Variants in DPYSL4 observed in about 807,000 individuals in gnomAD.
The protein encoded by DPYSL4 is dihydropyrimidinase-related protein 4.
A neutral mutation model predicts 63.4 loss-of-function variants in DPYSL4; 43 were observed. The observed-to-expected ratio is 0.68, with a 90% CI of 0.53 to 0.88. The LOEUF (loss-of-function observed/expected upper bound fraction) is 0.88, where lower values mean the gene tolerates loss of function less well. DPYSL4 is among the 40% of genes least tolerant of loss of function. DPYSL4 has a pLI of 0.00. For synonymous variants in DPYSL4, 353 were observed against 331.7 expected (o/e 1.06, Z -0.70); for missense variants, 733 against 819.5 (o/e 0.89, Z 1.29).
chr10:132,188,855 T>C (rs1215020361), intron 1 of DPYSL4, among the ~76,000 whole-genome samples: 2 of 152,240 alleles, frequency 1.3e-5, no homozygotes, highest in Non-Finnish European at 2.9e-5. Flanking sequence ...ACAAGAACGA[T>C]TCTTAGCCTA....
chr10:132,204,775 C>T, intron 13 of DPYSL4, 64 bp from the exon 14 acceptor site: 1 of 1,436,796 alleles, frequency 7.0e-7, no homozygotes, highest in Non-Finnish European at 9.5e-7. Flanking sequence ...CTGCCTCACG[C>T]CTTGAATAGA....
chr10:132,187,330 G>A (rs1227072571), intron 1 of DPYSL4, among the ~76,000 whole-genome samples: 5 of 25,122 alleles, frequency 2.0e-4, no homozygotes, highest in African/African-American at 5.7e-4. Flanking sequence ...GCCCAGGCCC[G>A]GCCCGGCCCG....
chr10:132,203,610 A>T, intron 12 of DPYSL4, 152 bp from the exon 13 acceptor site: 2 of 671,896 alleles, frequency 3.0e-6, no homozygotes, highest in South Asian at 1.9e-5. Context: ...CCCCCAGGGC[A>T]GCCCCAAATT....
intron 1 of DPYSL4, among the ~76,000 whole-genome samples, chr10:132,187,330 G>GGCCCGGCCCGGCCCT (rs1233009359): frequency 4.0e-5 from 1 of 25,122 alleles, no homozygotes; most frequent in South Asian, 1.1e-3. Flanking sequence ...GCCCAGGCCC[G>GGCCCGGCCCGGCCCT]GCCCGGCCCG....
At chr10:132,192,195 GC>G in intron 2 of DPYSL4, 1 of 484,954 alleles carries the variant, frequency 2.1e-6, no homozygotes, top group Non-Finnish European at 2.7e-6. Context: ...CACTGTCAGA[GC>G]CCCGGCCTTT....
At chr10:132,200,720 C>A in intron 9 of DPYSL4, 122 bp from the exon 10 acceptor site, 1 of 1,410,416 alleles carries the variant, frequency 7.1e-7, no homozygotes, top group Non-Finnish European at 9.4e-7. Flanking sequence ...CCAGCTCTGC[C>A]CAGCGAGAGC....
chr10:132,193,131 G>C lies in DPYSL4; in HGVS notation c.313+289G>C, dbSNP rs187327321. ...GGGCACTAGTAGCCAGCTCGGAGTT[G>C]GGGGTTGGAAAACTCAAATGCCTTG... On this transcript the variant is annotated intron_variant, in intron 3 of 13. Coordinates refer to ENST00000338492, the MANE Select transcript of DPYSL4 (RefSeq NM_006426.3). 3.3e-5 allele frequency among the ~76,000 whole-genome samples: 5 copies of C among 152,234 alleles called. No individual in the cohort carries two copies. In the East Asian group the frequency reaches 9.6e-4, roughly 29 times the overall value.
At chr10:132,202,219 CA>C (rs2137523212) in intron 11 of DPYSL4, 103 bp downstream of exon 11, 1 of 1,441,078 alleles carries the variant, frequency 6.9e-7, no homozygotes, top group Non-Finnish European at 9.3e-7. Context: ...GTGGCAGCAG[CA>C]GTGGCCTCAG....
Position 132,187,000 on chromosome 10 carries a change from C to CCCGGGG in DPYSL4, c.-64_-63insCCGGGG. The CCCGGGG allele has an allele frequency of 1.8e-4, 2 of 11,128 alleles. No homozygotes were observed. The highest frequency in any genetic ancestry group is 3.5e-4 in the Non-Finnish European group (2 of 5,648). 0.7% of individuals were successfully genotyped at this position (11,128 alleles called of 1,614,324 possible). A position where few individuals can be genotyped will look rare whatever the true frequency, so the allele number is the denominator to read the frequency against. ...ACGCGTCCCGGCTCACGCGTCCCCCCGCCCGCCCGCCCGCCCGCCCGCCCC... is the reference window on the plus strand; with the variant it reads ...ACGCGTCCCGGCTCACGCGTCCCCCCCCGGGGGCCCGCCCGCCCGCCCGCCCGCCCC... On this transcript the variant is annotated 5_prime_UTR_variant, in exon 1 of 14. Coordinates refer to ENST00000338492, the MANE Select transcript of DPYSL4 (RefSeq NM_006426.3).
At chr10:132,204,784 G>A in intron 13 of DPYSL4, 55 bp from the exon 14 acceptor site, 1 of 1,498,632 alleles carries the variant, frequency 6.7e-7, no homozygotes, top group Admixed American at 1.9e-5. Context: ...GCCTTGAATA[G>A]AAGGGCCCCT....
At chr10:132,191,406 A>C (rs111575759) in intron 2 of DPYSL4, among the ~76,000 whole-genome samples, 7 of 108,606 alleles carry the variant, frequency 6.4e-5, no homozygotes, top group Non-Finnish European at 7.9e-5. Flanking sequence ...GGCAGGTGCA[A>C]ATAGTTCCCA....
chr10:132,200,584 C>A (rs2062000598), intron 9 of DPYSL4, 72 bp downstream of exon 9: 2 of 1,562,744 alleles, frequency 1.3e-6, no homozygotes, highest in Admixed American at 3.5e-5. Context: ...GGCCCCGACA[C>A]CCCAGGCCTC....
intron 6 of DPYSL4, among the ~76,000 whole-genome samples, chr10:132,197,928 G>A (rs2137514681): frequency 6.6e-6 from 1 of 152,350 alleles, no homozygotes; most frequent in Middle Eastern, 3.4e-3. Context: ...ACATACAGCG[G>A]GAGGGAGCCT....
Position 132,198,786 on chromosome 10 carries a change from T to C in DPYSL4, c.691-65T>C, listed in dbSNP as rs2061976197. On this transcript the variant is annotated intron_variant, in intron 7 of 13. Coordinates refer to ENST00000338492, the MANE Select transcript of DPYSL4 (RefSeq NM_006426.3). ...CATGGGTGACACCTGGGCATCCCCA[T>C]TGCCCACACTGGTCTGGAGCCCCAG... The C allele has an allele frequency of 1.1e-5, 17 of 1,590,618 alleles. No homozygotes were observed. In the South Asian group the frequency reaches 1.5e-4, roughly 14 times the overall value.
chr10:132,191,922 C>T (rs1282360895), intron 2 of DPYSL4, among the ~76,000 whole-genome samples: 5 of 141,522 alleles, frequency 3.5e-5, no homozygotes, highest in African/African-American at 1.1e-4. Flanking sequence ...CGTGTGTACA[C>T]GCTGGTCACA....
intron 12 of DPYSL4, among the ~76,000 whole-genome samples, chr10:132,203,180 G>A (rs1365384612): frequency 6.6e-6 from 1 of 152,190 alleles, no homozygotes; most frequent in Non-Finnish European, 1.5e-5. Context: ...ACCTCAGTGT[G>A]GGTCCTTCTG....
At chr10:132,196,782 C>T in intron 4 of DPYSL4, 79 bp from the exon 5 acceptor site, 1 of 1,533,176 alleles carries the variant, frequency 6.5e-7, no homozygotes, top group Middle Eastern at 1.7e-4. Context: ...CCCAACCCTC[C>T]AGTGGGCAGG....
At chr10:132,188,166 G>A (rs1190516309) in intron 1 of DPYSL4, among the ~76,000 whole-genome samples, 1 of 152,214 alleles carries the variant, frequency 6.6e-6, no homozygotes, top group African/African-American at 2.4e-5. Flanking sequence ...GGTGGCAGGA[G>A]GACCCCTTCC....
In DPYSL4 at chr10:132,202,809, T is replaced by A. The variant is rs1423114041; in HGVS notation, c.1445T>A (p.Ile482Asn). The A allele has an allele frequency of 8.1e-6, 13 of 1,601,740 alleles. No homozygotes were observed. Among genetic ancestry groups the A allele is most frequent in the Non-Finnish European group, 1.1e-5 (13 of 1,173,728 alleles). Residue 482 changes from isoleucine to asparagine, a missense_variant, in exon 12 of 14, where the codon ATC (isoleucine) becomes AAC (asparagine). Ile to Asn is a moderately radical substitution (Grantham distance 149). Transcript: ENST00000338492. ...TTCCCGGACTTTGTCTACAAGAGGA[T>A]CAAAGCTCGCAACAGGGTAGGGCGG... ...KTFPDFVYKR[I>N]KARNRLAEIH... is the part of the protein sequence containing the mutation.
Sources: allele counts gnomAD v4.1 joint callset (sites outside exome capture counted in the v4.1 genomes callset), GRCh38; gene constraint gnomAD v4.1.1; transcripts MANE v1.5; gene names NCBI Gene and HGNC (gene_info 2026-07-23, HGNC 2026-07-21).